The following GMPR variants were observed in gnomAD, a reference collection of about 807,000 sequenced individuals.
GMPR encodes GMP reductase 1.
A neutral mutation model predicts 38.4 loss-of-function variants in GMPR; 31 were observed. That is an observed-to-expected ratio of 0.81 (90% confidence interval 0.61 to 1.09). GMPR has a LOEUF of 1.09. GMPR is among the 50% of genes least tolerant of loss of function. GMPR has a pLI of 0.00. For synonymous variants in GMPR, 162 were observed against 173.3 expected, an observed-to-expected ratio of 0.93 and a Z score of 0.51; for missense variants, 468 against 453.7, an observed-to-expected ratio of 1.03 and a Z score of -0.29.
intron 4 of GMPR, among the ~76,000 whole-genome samples, chr6:16,267,838 G>T (rs911555391): frequency 1.3e-5 from 2 of 152,214 alleles, no homozygotes. Context: ...CTCCCCTGGG[G>T]CAATGCCGTG....
intron 4 of GMPR, among the ~76,000 whole-genome samples, chr6:16,267,140 G>C (rs987840460): frequency 6.6e-6 from 1 of 152,010 alleles, no homozygotes; most frequent in African/African-American, 2.4e-5. Context: ...GAGGTGGGCG[G>C]ATCACCAGGT....
At chr6:16,253,274 A>G (rs1220644019) in intron 3 of GMPR, among the ~76,000 whole-genome samples, 2 of 152,262 alleles carry the variant, frequency 1.3e-5, no homozygotes, top group Non-Finnish European at 2.9e-5. Flanking sequence ...TTCTGTGTAC[A>G]GGTTGAGATT....
chr6:16,260,025 C>T lies in GMPR; in HGVS notation c.465+5290C>T, dbSNP rs550159429. Among the ~76,000 whole-genome samples, 312 of 152,176 alleles carry T rather than the reference C, an allele frequency of 2.1e-3. 1 individual carries two copies. Among genetic ancestry groups the T allele is most frequent in the Non-Finnish European group, 2.4e-3 (165 of 68,036 alleles). ...TTTTTGGGGCACAGTCTAAGTTGGT[C>T]TGGTGTCTGGAATGAGACTGGGGCC... On this transcript the variant is annotated intron_variant, in intron 4 of 8. Coordinates refer to ENST00000259727, the MANE Select transcript of GMPR (RefSeq NM_006877.4).
intron 1 of GMPR, among the ~76,000 whole-genome samples, chr6:16,246,490 C>A (rs779204739): frequency 2.5e-4 from 38 of 152,080 alleles, no homozygotes; most frequent in Non-Finnish European, 4.7e-4. Context: ...GGAGGAGGGC[C>A]ATGGTTGGCA....
chr6:16,290,355 T>C, intron 7 of GMPR, 107 bp from the exon 8 acceptor site: 1 of 950,414 alleles, frequency 1.1e-6, no homozygotes. Context: ...TGACTATAGC[T>C]GGGCGGGGAG....
intron 7 of GMPR, 67 bp downstream of exon 7, chr6:16,285,902 C>T: frequency 7.6e-7 from 1 of 1,312,816 alleles, no homozygotes; most frequent in South Asian, 1.3e-5. Flanking sequence ...ACCTCTCCAG[C>T]TGGCAACCTG....
chr6:16,274,273 A>G, intron 4 of GMPR, 142 bp from the exon 5 acceptor site: 2 of 631,416 alleles, frequency 3.2e-6, no homozygotes, highest in Non-Finnish European at 5.7e-6. Context: ...GTCTCCAGGT[A>G]TGAAATTCTG....
At chr6:16,252,407 G>A (rs554836809) in intron 3 of GMPR, among the ~76,000 whole-genome samples, 7 of 152,150 alleles carry the variant, frequency 4.6e-5, no homozygotes, top group South Asian at 2.1e-4. Flanking sequence ...TTACAGGTGC[G>A]CAACACCTAG....
At chr6:16,268,550 G>A (rs1306859264) in intron 4 of GMPR, among the ~76,000 whole-genome samples, 2 of 152,322 alleles carry the variant, frequency 1.3e-5, no homozygotes, top group East Asian at 3.9e-4. Context: ...AAAGTGTTGG[G>A]ATTACAGGCG....
intron 4 of GMPR, among the ~76,000 whole-genome samples, chr6:16,265,764 G>A (rs780212424): frequency 2.0e-5 from 3 of 152,198 alleles, no homozygotes; most frequent in Non-Finnish European, 2.9e-5. Context: ...GCCAAATAAG[G>A]GAATAAAAGC....
At chr6:16,264,296 G>GAT (rs1029032092) in intron 4 of GMPR, 3 of 179,834 alleles carry the variant, frequency 1.7e-5, no homozygotes, top group Non-Finnish European at 3.4e-5. Context: ...GAGGCTGAGG[G>GAT]ATAGTGAGGG....
chr6:16,286,096 G>C (rs922044360), intron 7 of GMPR, among the ~76,000 whole-genome samples: 10 of 152,138 alleles, frequency 6.6e-5, no homozygotes, highest in Admixed American at 2.0e-4. Flanking sequence ...TCATCCCAGG[G>C]AAGAGAAAGC....
chr6:16,238,864 G>A, intron 1 of GMPR, 84 bp downstream of exon 1: 1 of 596,854 alleles, frequency 1.7e-6, no homozygotes, highest in Non-Finnish European at 2.7e-6. Context: ...GGGTGGCACC[G>A]GGTTACCCTG....
intron 6 of GMPR, among the ~76,000 whole-genome samples, chr6:16,279,934 G>C (rs1220121695): frequency 6.6e-6 from 1 of 152,172 alleles, no homozygotes; most frequent in Non-Finnish European, 1.5e-5. Context: ...AATTCAGGAG[G>C]GGGAGGTGAC....
intron 4 of GMPR, among the ~76,000 whole-genome samples, chr6:16,271,391 C>T (rs1215907481): frequency 6.6e-6 from 1 of 152,170 alleles, no homozygotes; most frequent in Non-Finnish European, 1.5e-5. Flanking sequence ...GAGGCTGAGG[C>T]AGGAGAATCG....
intron 1 of GMPR, among the ~76,000 whole-genome samples, chr6:16,246,543 A>G (rs1428597200): frequency 1.3e-5 from 2 of 152,120 alleles, no homozygotes; most frequent in Admixed American, 6.5e-5. Context: ...AATGGTTTCT[A>G]TAGGGCTTGC....
intron 4 of GMPR, among the ~76,000 whole-genome samples, chr6:16,267,385 G>A (rs1158622201): frequency 6.6e-6 from 1 of 151,676 alleles, no homozygotes; most frequent in Non-Finnish European, 1.5e-5. Flanking sequence ...ACAAAGAGCT[G>A]TAACACTCAC....
chr6:16,271,618 C>A (rs1759388123), intron 4 of GMPR, among the ~76,000 whole-genome samples: 1 of 152,166 alleles, frequency 6.6e-6, no homozygotes, highest in African/African-American at 2.4e-5. Flanking sequence ...TTCTTAGGCT[C>A]CTGTTAGGTT....
intron 5 of GMPR, among the ~76,000 whole-genome samples, chr6:16,278,197 G>A (rs571797391): frequency 1.3e-5 from 2 of 152,268 alleles, no homozygotes; most frequent in South Asian, 4.1e-4. Context: ...GTGAGAGCAG[G>A]TGAGGGTATG....
Sources: allele counts gnomAD v4.1 joint callset (sites outside exome capture counted in the v4.1 genomes callset), GRCh38; gene constraint gnomAD v4.1.1; transcripts MANE v1.5; gene names NCBI Gene and HGNC (gene_info 2026-07-23, HGNC 2026-07-21).